The following LHFPL3 variants were observed in gnomAD, a reference collection of about 807,000 sequenced individuals.
LHFPL3 encodes LHFPL tetraspan subfamily member 3 protein.
In LHFPL3, 5 loss-of-function variants were observed where a neutral mutation model predicts 19.3. That is an observed-to-expected ratio of 0.26 (90% CI 0.14 to 0.54). The LOEUF (loss-of-function observed/expected upper bound fraction) is 0.54, where lower values mean the gene tolerates loss of function less well. Ranked by LOEUF, LHFPL3 falls within the 20% of genes least tolerant of loss-of-function variation. The probability of loss-of-function intolerance (pLI) is 0.94; values close to 1 mark genes in which losing one functional copy is unlikely to be tolerated. For missense variants in LHFPL3, 249 were observed against 307.4 expected, an observed-to-expected ratio of 0.81 and a Z score of 1.42; for synonymous variants, 133 against 126.2, an observed-to-expected ratio of 1.05 and a Z score of -0.36.
chr7:104,888,781 C>G (rs1344173156), intron 2 of LHFPL3, among the ~76,000 whole-genome samples: 1 of 152,198 alleles, frequency 6.6e-6, no homozygotes, highest in Non-Finnish European at 1.5e-5. Context: ...AGGCAGAAAT[C>G]TTAAGCCACT....
intron 1 of LHFPL3, among the ~76,000 whole-genome samples, chr7:104,633,777 T>C (rs2115859950): frequency 6.6e-6 from 1 of 152,330 alleles, no homozygotes; most frequent in South Asian, 2.1e-4. Context: ...TTTGGAAGAA[T>C]TTGCCATCTG....
intron 1 of LHFPL3, among the ~76,000 whole-genome samples, chr7:104,421,668 C>A (rs1346650945): frequency 6.6e-6 from 1 of 152,090 alleles, no homozygotes; most frequent in Non-Finnish European, 1.5e-5. Context: ...TAAGATAGAT[C>A]TCCGCAGAAA....
At chr7:104,823,730 T>A (rs949057653) in intron 2 of LHFPL3, among the ~76,000 whole-genome samples, 3 of 152,192 alleles carry the variant, frequency 2.0e-5, no homozygotes, top group African/African-American at 7.2e-5. Context: ...TTTCAATTTC[T>A]CGCTCCGCTT....
intron 1 of LHFPL3, chr7:104,668,726 C>CCT (rs1792413007): frequency 6.3e-7 from 1 of 1,584,502 alleles, no homozygotes; most frequent in African/African-American, 1.4e-5. Flanking sequence ...GTCCCCCCCC[C>CCT]CCCAAAGACC....
chr7:104,617,885 C>G (rs1355743974), intron 1 of LHFPL3, among the ~76,000 whole-genome samples: 1 of 152,122 alleles, frequency 6.6e-6, no homozygotes, highest in East Asian at 1.9e-4. Context: ...CTTGTGGCTA[C>G]CAAGTAATAG....
chr7:104,572,671 T>G (rs180955712), intron 1 of LHFPL3, among the ~76,000 whole-genome samples: 1 of 152,322 alleles, frequency 6.6e-6, no homozygotes, highest in East Asian at 1.9e-4. Context: ...CTATTAGCTA[T>G]CTCAAAAATG....
At chr7:104,486,548 A>T (rs1793240973) in intron 1 of LHFPL3, among the ~76,000 whole-genome samples, 1 of 152,052 alleles carries the variant, frequency 6.6e-6, no homozygotes, top group African/African-American at 2.4e-5. Context: ...TCTCTCTCAA[A>T]CCTCTTCTCT....
intron 1 of LHFPL3, among the ~76,000 whole-genome samples, chr7:104,353,372 A>T (rs1790216932): frequency 6.6e-6 from 1 of 152,124 alleles, no homozygotes; most frequent in Admixed American, 6.6e-5. Flanking sequence ...TATCCAAGGG[A>T]CCACAGTTTT....
chr7:104,431,396 C>A (rs1792000244), intron 1 of LHFPL3, among the ~76,000 whole-genome samples: 1 of 152,190 alleles, frequency 6.6e-6, no homozygotes, highest in Non-Finnish European at 1.5e-5. Flanking sequence ...TCCCTGCATG[C>A]CTACACCATG....
intron 2 of LHFPL3, among the ~76,000 whole-genome samples, chr7:104,852,984 C>T (rs1584576796): frequency 6.6e-6 from 1 of 152,126 alleles, no homozygotes; most frequent in Non-Finnish European, 1.5e-5. Context: ...ACCGTCTGCC[C>T]GAGGCAGGAG....
intron 1 of LHFPL3, among the ~76,000 whole-genome samples, chr7:104,451,831 G>C (rs941942766): frequency 6.6e-6 from 1 of 151,758 alleles, no homozygotes; most frequent in Non-Finnish European, 1.5e-5. Context: ...TGCAACCTCC[G>C]CCTCCAGGGT....
intron 2 of LHFPL3, among the ~76,000 whole-genome samples, chr7:104,892,193 G>T (rs1281901696): frequency 3.9e-5 from 6 of 152,172 alleles, no homozygotes; most frequent in Non-Finnish European, 5.9e-5. Flanking sequence ...TTGGTGTGCT[G>T]AGAGTCTTCA....
At chr7:104,454,231 A>T (rs1163220224) in intron 1 of LHFPL3, among the ~76,000 whole-genome samples, 1 of 152,206 alleles carries the variant, frequency 6.6e-6, no homozygotes, top group Non-Finnish European at 1.5e-5. Flanking sequence ...AATTGGTGTT[A>T]TGTGTGTACA....
At chr7:104,394,908 C>T (rs902135259) in intron 1 of LHFPL3, among the ~76,000 whole-genome samples, 1 of 151,884 alleles carries the variant, frequency 6.6e-6, no homozygotes, top group East Asian at 1.9e-4. Flanking sequence ...ACCATCTTAG[C>T]GAGGCTGGTC....
chr7:104,543,173 G>T (rs78542745), intron 1 of LHFPL3, among the ~76,000 whole-genome samples: 1 of 152,260 alleles, frequency 6.6e-6, no homozygotes, highest in Admixed American at 6.5e-5. Context: ...GGTCCAAGGG[G>T]AGGAAGAGCA....
intron 1 of LHFPL3, among the ~76,000 whole-genome samples, chr7:104,688,978 G>A (rs985077183): frequency 6.6e-6 from 1 of 152,102 alleles, no homozygotes; most frequent in East Asian, 1.9e-4. Context: ...TGCAACTCAG[G>A]GAGTTAAAAA....
intron 1 of LHFPL3, among the ~76,000 whole-genome samples, chr7:104,670,821 T>A (rs1476531899): frequency 6.6e-6 from 1 of 152,056 alleles, no homozygotes; most frequent in Admixed American, 6.5e-5. Flanking sequence ...GCCACACTAA[T>A]GTTTGTTGGA....
At chr7:104,467,675 C>A (rs1404972312) in intron 1 of LHFPL3, among the ~76,000 whole-genome samples, 1 of 152,158 alleles carries the variant, frequency 6.6e-6, no homozygotes, top group Non-Finnish European at 1.5e-5. Context: ...GGATTAATTT[C>A]TCCTCATCCA....
At chr7:104,415,728 A>G (rs1163529601) in intron 1 of LHFPL3, among the ~76,000 whole-genome samples, 1 of 152,220 alleles carries the variant, frequency 6.6e-6, no homozygotes, top group African/African-American at 2.4e-5. Flanking sequence ...ATAGTTATAT[A>G]GCATTCTTGG....
Sources: gnomAD v4.1 joint callset for allele counts (sites outside exome capture counted in the v4.1 genomes callset) on GRCh38, gnomAD v4.1.1 for gene constraint, MANE v1.5 for transcripts, NCBI Gene and HGNC (gene_info 2026-07-23, HGNC 2026-07-21) for gene names.